SHROOM2: variants seen among roughly 807,000 people sequenced by gnomAD.
SHROOM2 encodes the protein shroom family member 2.
Under a neutral mutation model 75.9 loss-of-function variants are expected in SHROOM2, and 33 were observed. The ratio of observed to expected loss-of-function variants is 0.43; its 90% CI spans 0.33 to 0.58. The LOEUF (loss-of-function observed/expected upper bound fraction) is 0.58. Ranked by LOEUF, SHROOM2 falls within the 20% of genes least tolerant of loss-of-function variation. The pLI is 0.04. For synonymous variants in SHROOM2, 655 were observed against 663.6 expected (o/e 0.99, Z 0.20); for missense variants, 1,434 against 1,461.2 (o/e 0.98, Z 0.30).
intron 1 of SHROOM2, chrX:9,865,178 T>C (rs1338777167): frequency 1.8e-5 from 2 of 112,258 alleles, no homozygotes; most frequent in Non-Finnish European, 3.8e-5. Flanking sequence ...TCATAAAATA[T>C]ATACCAAAAA....
chrX:9,786,755 C>G (rs1001930886), intron 1 of SHROOM2, 45 bp downstream of exon 1: 18 of 847,530 alleles, frequency 2.1e-5, no homozygotes, highest in East Asian at 1.2e-4. Flanking sequence ...GGGAGCTGGC[C>G]GCCCTGCGGG....
chrX:9,875,979 C>T (rs970477510), intron 2 of SHROOM2, among the ~76,000 whole-genome samples: 7 of 111,959 alleles, frequency 6.3e-5, no homozygotes, highest in African/African-American at 2.3e-4. Flanking sequence ...GAGGAGAGAG[C>T]GAAGCCTCAG....
chrX:9,945,546 C>G (rs977687450), intron 9 of SHROOM2, among the ~76,000 whole-genome samples: 2 of 112,185 alleles, frequency 1.8e-5, no homozygotes, highest in Non-Finnish European at 3.8e-5. Context: ...CCTATTGACT[C>G]TTACTGATAA....
chrX:9,927,017 C>T (rs113101981), intron 5 of SHROOM2, among the ~76,000 whole-genome samples: 2,213 of 110,860 alleles, frequency 0.02, 45 homozygotes, highest in African/African-American at 0.068. Context: ...TGTGTGTCTG[C>T]AAATCAGAAT....
In SHROOM2 at chrX:9,873,584, C is replaced by T. The variant is rs73474560; in HGVS notation, c.166-68C>T. 7.7e-3 allele frequency: 8,948 copies of T among 1,159,143 alleles called. 145 individuals are homozygous for T. Among genetic ancestry groups the T allele is most frequent in the African/African-American group, 0.068 (3,821 of 56,157 alleles). On this transcript the variant is annotated intron_variant, in intron 1 of 9. Coordinates refer to ENST00000380913, the MANE Select transcript of SHROOM2 (RefSeq NM_001649.4). ...AGTGTGAGGTATGTCTGCTGCGTTC[C>T]GAGGACCTGCTCTGCCTCAGGAATT...
intron 1 of SHROOM2, among the ~76,000 whole-genome samples, chrX:9,809,550 C>T (rs1382328310): frequency 1.8e-5 from 2 of 112,517 alleles, no homozygotes; most frequent in Non-Finnish European, 3.7e-5. Context: ...CAAGTAAAGA[C>T]AATGGTAAGG....
At chrX:9,920,789 C>T (rs749505620) in intron 5 of SHROOM2, among the ~76,000 whole-genome samples, 32 of 112,120 alleles carry the variant, frequency 2.9e-4, no homozygotes, top group Admixed American at 3.8e-4. Context: ...TTCTGGTCTG[C>T]TTTCTCCTCA....
Position 9,895,525 on chromosome X carries a change from C to T in SHROOM2, c.1617C>T (p.Asp539=). The stretch of plus-strand genomic sequence containing the variant: ...AGACAGGACGGTGTTACCCGCTGGA[C>T]AAAGGGGCCGAGGGCTGCTCCGCGG... The part of the protein sequence containing the change: ...ARETGRCYPL[D]KGAEGCSAGA... Residue 539 remains aspartate (D), a synonymous_variant, in exon 4 of 10, where the codon GAC becomes GAT. Transcript: ENST00000380913. 2 of 1,196,044 alleles carry T rather than the reference C, an allele frequency of 1.7e-6. No homozygotes were observed. The highest frequency in any genetic ancestry group is 2.3e-6 in the Non-Finnish European group (2 of 888,458).
At chrX:9,807,151 C>G (rs1037479182) in intron 1 of SHROOM2, among the ~76,000 whole-genome samples, 1 of 112,040 alleles carries the variant, frequency 8.9e-6, no homozygotes, top group African/African-American at 3.2e-5. Flanking sequence ...ATGAAGGTCC[C>G]TGCCTCGAGT....
chrX:9,796,337 C>T (rs183015301), intron 1 of SHROOM2, among the ~76,000 whole-genome samples: 38 of 110,118 alleles, frequency 3.5e-4, no homozygotes, highest in East Asian at 1.2e-3. Flanking sequence ...GTGGGAGGAT[C>T]GCTTTGAGCC....
chrX:9,849,244 C>G (rs1293042455), intron 1 of SHROOM2, among the ~76,000 whole-genome samples: 1 of 111,875 alleles, frequency 8.9e-6, no homozygotes, highest in Non-Finnish European at 1.9e-5. Flanking sequence ...GGAGGAGAGA[C>G]AGCAGGCGCC....
chrX:9,849,081 C>G (rs2084024166), intron 1 of SHROOM2, among the ~76,000 whole-genome samples: 3 of 112,018 alleles, frequency 2.7e-5, no homozygotes, highest in African/African-American at 9.7e-5. Flanking sequence ...CTCCTGCTTC[C>G]CTTGCTGTGG....
intron 1 of SHROOM2, among the ~76,000 whole-genome samples, chrX:9,856,069 G>A (rs1187123370): frequency 1.1e-4 from 12 of 106,655 alleles, no homozygotes; most frequent in African/African-American, 4.1e-4. Context: ...TGAACTTGGG[G>A]GAAATAAATG....
intron 1 of SHROOM2, among the ~76,000 whole-genome samples, chrX:9,791,982 AAT>A (rs1374136289): frequency 0.063 from 4 of 63 alleles, no homozygotes; most frequent in Non-Finnish European, 0.24. Context: ...AATAGAATAG[AAT>A]AGAATAGAAT....
At chrX:9,908,777 C>A (rs1368939098) in intron 5 of SHROOM2, among the ~76,000 whole-genome samples, 1 of 108,267 alleles carries the variant, frequency 9.2e-6, no homozygotes, top group African/African-American at 3.4e-5. Context: ...CATAGTGAGA[C>A]CCCATCTCTA....
rs547655068 is a variant in SHROOM2, at chrX:9,839,016, C to T, written c.166-34636C>T. Among the ~76,000 whole-genome samples, 246 of 110,833 alleles carry T rather than the reference C, an allele frequency of 2.2e-3. 1 individual carries two copies. The highest frequency in any genetic ancestry group is 6.1e-3 in the African/African-American group (185 of 30,478). On this transcript the variant is annotated intron_variant, in intron 1 of 9. Coordinates refer to ENST00000380913, the MANE Select transcript of SHROOM2 (RefSeq NM_001649.4). ...TTGGACCCTTTCCTTCCCTGTCGCA[C>T]GTGGAAGGAAATCAGAAACCAAGCA...
chrX:9,930,584 T>C (rs779951383), intron 5 of SHROOM2, among the ~76,000 whole-genome samples: 1 of 110,511 alleles, frequency 9.0e-6, no homozygotes, highest in South Asian at 4.0e-4. Context: ...TTCTGAACCA[T>C]TGAATATTGA....
chrX:9,916,369 G>A (rs1345611717), intron 5 of SHROOM2, among the ~76,000 whole-genome samples: 1 of 112,471 alleles, frequency 8.9e-6, no homozygotes, highest in Non-Finnish European at 1.9e-5. Context: ...TAGCCATACT[G>A]TGGACATTTA....
At chrX:9,801,476 A>T (rs1270627866) in intron 1 of SHROOM2, among the ~76,000 whole-genome samples, 1 of 112,121 alleles carries the variant, frequency 8.9e-6, no homozygotes, top group Non-Finnish European at 1.9e-5. Context: ...GCCATTTGTC[A>T]TATGTGACTG....
Sources: gnomAD v4.1 joint callset for allele counts (sites outside exome capture counted in the v4.1 genomes callset) on GRCh38, gnomAD v4.1.1 for gene constraint, MANE v1.5 for transcripts, NCBI Gene and HGNC (gene_info 2026-07-23, HGNC 2026-07-21) for gene names.